Variants in MYOM3 observed in about 807,000 individuals in gnomAD.
MYOM3 encodes the protein myomesin-3.
In MYOM3, 155 loss-of-function variants were observed where a neutral mutation model predicts 191.7. That is an observed-to-expected ratio of 0.81 (90% CI 0.71 to 0.92). The LOEUF (loss-of-function observed/expected upper bound fraction) is 0.92, where lower values mean the gene tolerates loss of function less well. Among genes scored for constraint, MYOM3 ranks in the 40% least tolerant of loss-of-function variants. MYOM3 has a pLI of 0.00. For synonymous variants in MYOM3, 757 were observed against 762.9 expected (o/e 0.99, Z 0.13); for missense variants, 1,889 against 1,890.6 (o/e 1.00, Z 0.02).
chr1:24,063,597 A>G lies in MYOM3; in HGVS notation c.3623-67T>C. 1 of 1,586,092 alleles carries G rather than the reference A, an allele frequency of 6.3e-7. No individual in the cohort carries two copies. The highest frequency in any genetic ancestry group is 8.7e-7 in the Non-Finnish European group (1 of 1,155,992). On this transcript the variant is annotated intron_variant, in intron 30 of 36. Coordinates refer to ENST00000374434, the MANE Select transcript of MYOM3 (RefSeq NM_152372.4). This position sits in a 1 kb window ranked among gnomAD's most constrained non-coding sequence, Gnocchi z 4.5. ...CCCTAGGGATGTGCTAGGAGTGGGG[A>G]CATCCTAGAAAAAGGCTGGTGGAGC...
chr1:24,111,384 G>A lies in MYOM3; in HGVS notation c.-19+647C>T, dbSNP rs541055380. Among the ~76,000 whole-genome samples the A allele has an allele frequency of 2.4e-4, 37 of 152,336 alleles. No homozygotes were observed. The highest frequency in any genetic ancestry group is 8.7e-4 in the African/African-American group (36 of 41,570). ...CCCCTCCAGGAGCTGCGATGGGGGC[G>A]GATGGTGGCTGGGAGCAGAGACACA... is the stretch of plus-strand genomic sequence containing the variant. On this transcript the variant is annotated intron_variant, in intron 1 of 36. Transcript: ENST00000374434. The surrounding 1 kb of genome is among the most constrained non-coding windows in gnomAD (Gnocchi z 4.7).
At position 24,067,962 on chromosome 1, in the gene MYOM3, G is replaced by A. The variant is rs199611712; in HGVS notation, c.3355+8C>T. On this transcript the variant is annotated splice_region_variant and intron_variant, in intron 27 of 36. Coordinates refer to ENST00000374434, the MANE Select transcript of MYOM3 (RefSeq NM_152372.4). ...AGGGATTTTGAACTTCACCCCAGCA[G>A]CTCTTACCCTGTTTTCTCTTCCAGT... The A allele has an allele frequency of 2.9e-4, 469 of 1,613,894 alleles. 1 individual carries two copies. The highest frequency in any genetic ancestry group is 9.9e-4 in the Middle Eastern group (6 of 6,062).
At chr1:24,090,204 T>C in intron 12 of MYOM3, 86 bp from the exon 13 acceptor site, 1 of 1,110,364 alleles carries the variant, frequency 9.0e-7, no homozygotes, top group Non-Finnish European at 1.4e-6. Flanking sequence ...GTCTGCGTCC[T>C]GCCCCGTCCC....
At position 24,090,124 on chromosome 1, in the gene MYOM3, A is replaced by G; in HGVS notation, c.1433-6T>C. The stretch of plus-strand genomic sequence containing the variant: ...TCCCAGATCAAAGGGGATCTCTAGG[A>G]TGAGAAGGGAGCATGGGAGGGTGGG... On this transcript the variant is annotated splice_region_variant and splice_polypyrimidine_tract_variant and intron_variant, in intron 12 of 36. Coordinates refer to ENST00000374434, the MANE Select transcript of MYOM3 (RefSeq NM_152372.4). 1 of 1,569,724 alleles carries G rather than the reference A, an allele frequency of 6.4e-7. No individual in the cohort carries two copies. The highest frequency in any genetic ancestry group is 8.8e-7 in the Non-Finnish European group (1 of 1,139,506).
chr1:24,069,566 T>C (rs967097878), intron 25 of MYOM3, among the ~76,000 whole-genome samples: 1 of 151,960 alleles, frequency 6.6e-6, no homozygotes, highest in Non-Finnish European at 1.5e-5. Context: ...CTTTGATATA[T>C]ATATAACACA....
At position 24,063,574 on chromosome 1, in the gene MYOM3, C is replaced by T; in HGVS notation, c.3623-44G>A. 1 of 1,612,212 alleles carries T rather than the reference C, an allele frequency of 6.2e-7. No homozygotes were observed. The highest frequency in any genetic ancestry group is 8.5e-7 in the Non-Finnish European group (1 of 1,178,492). ...AAGGGTTAGCTGGCATAGGGCTCCC[C>T]TAGGGATGTGCTAGGAGTGGGGACA... is the stretch of plus-strand genomic sequence containing the variant. On this transcript the variant is annotated intron_variant, in intron 30 of 36. Coordinates refer to ENST00000374434, the MANE Select transcript of MYOM3 (RefSeq NM_152372.4). This position sits in a 1 kb window ranked among gnomAD's most constrained non-coding sequence, Gnocchi z 4.5.
intron 10 of MYOM3, 148 bp downstream of exon 10, chr1:24,092,799 G>C (rs1456241280): frequency 5.0e-6 from 4 of 796,146 alleles, no homozygotes; most frequent in Non-Finnish European, 7.4e-6. Context: ...GGGAGTCTTG[G>C]AGACCCCAAC....
chr1:24,091,851 G>T (rs1458197297), intron 11 of MYOM3, among the ~76,000 whole-genome samples: 1 of 152,188 alleles, frequency 6.6e-6, no homozygotes, highest in Non-Finnish European at 1.5e-5. Flanking sequence ...CTGTCATTAG[G>T]AAGGAAACTA....
At chr1:24,090,748 G>T (rs1306218428) in intron 12 of MYOM3, 49 bp downstream of exon 12, 2 of 1,586,786 alleles carry the variant, frequency 1.3e-6, no homozygotes, top group Non-Finnish European at 1.7e-6. Context: ...CAGTCCTGAG[G>T]GTTCCCTGAC....
intron 35 of MYOM3, among the ~76,000 whole-genome samples, chr1:24,060,313 A>G (rs1306991842): frequency 6.6e-6 from 1 of 152,164 alleles, no homozygotes; most frequent in Non-Finnish European, 1.5e-5. Context: ...AATAACAGCT[A>G]TGAGCCTGAG....
At position 24,063,542 on chromosome 1, in the gene MYOM3, CAGAG is replaced by C. The variant is rs746109022; in HGVS notation, c.3623-16_3623-13del. ...GATGGCATCCAGGGCTGGCGGGAAA[CAGAG>C]AGAAGGGTTAGCTGGCATAGGGCTC... On this transcript the variant is annotated splice_polypyrimidine_tract_variant and intron_variant, in intron 30 of 36. Transcript: ENST00000374434. This position sits in a 1 kb window ranked among gnomAD's most constrained non-coding sequence, Gnocchi z 4.5. 1.2e-6 allele frequency: 2 copies of C among 1,614,110 alleles called. No homozygotes were observed. The highest frequency in any genetic ancestry group is 1.7e-6 in the Non-Finnish European group (2 of 1,179,996).
intron 18 of MYOM3, chr1:24,081,662 A>G (rs1236469515): frequency 1.6e-6 from 1 of 623,740 alleles, no homozygotes; most frequent in South Asian, 2.1e-5. Context: ...TTCTGGGCTC[A>G]TGCAGTCCTC....
chr1:24,074,397 G>T, intron 22 of MYOM3, 128 bp from the exon 23 acceptor site: 1 of 648,284 alleles, frequency 1.5e-6, no homozygotes, highest in Non-Finnish European at 2.7e-6. Flanking sequence ...GGCCAAGTCA[G>T]GAAGCACAGG....
In MYOM3 at chr1:24,082,573, G is replaced by A; in HGVS notation, c.2092+20C>T. 1 of 1,567,974 alleles carries A rather than the reference G, an allele frequency of 6.4e-7. No individual in the cohort carries two copies. The highest frequency in any genetic ancestry group is 8.6e-7 in the Non-Finnish European group (1 of 1,159,124). ...CCCAGCCCAGGGAGGTTTGCAGGCT[G>A]GACCTGCCCTTGGACTCACCCAGAG... On this transcript the variant is annotated intron_variant, in intron 17 of 36. Transcript: ENST00000374434.
At chr1:24,102,363 T>A (rs954091914) in intron 5 of MYOM3, among the ~76,000 whole-genome samples, 2 of 151,974 alleles carry the variant, frequency 1.3e-5, no homozygotes, top group African/African-American at 2.4e-5. Context: ...TCGGGAAGAT[T>A]CCAGACACCT....
At chr1:24,074,727 G>A (rs1643575323) in intron 22 of MYOM3, among the ~76,000 whole-genome samples, 2 of 152,226 alleles carry the variant, frequency 1.3e-5, no homozygotes, top group Admixed American at 1.3e-4. Context: ...CTCTTTGAAG[G>A]TCTCCTTGAA....
In MYOM3 at chr1:24,107,992, C is replaced by T. The variant is rs767337585; in HGVS notation, c.242+1G>A. 1.2e-6 allele frequency: 2 copies of T among 1,613,218 alleles called. No homozygotes were observed. Among genetic ancestry groups the T allele is most frequent in the South Asian group, 2.2e-5 (2 of 90,998 alleles). On this transcript the variant is annotated splice_donor_variant, in intron 3 of 36. Transcript: ENST00000374434. LOFTEE classifies it high-confidence loss of function. ...CTCCCTGGGAAGCTTCTCTGACTCA[C>T]CAAGACAGCTCGGAGGAGGCCGTCA...
At chr1:24,110,277 C>T (rs966915227) in intron 1 of MYOM3, among the ~76,000 whole-genome samples, 8 of 152,152 alleles carry the variant, frequency 5.3e-5, no homozygotes, top group East Asian at 1.9e-4. Context: ...CTCCTGTCAG[C>T]TTCTGTGGGG....
At chr1:24,093,584 G>C (rs1322589329) in intron 9 of MYOM3, among the ~76,000 whole-genome samples, 2 of 151,996 alleles carry the variant, frequency 1.3e-5, no homozygotes, top group African/African-American at 4.8e-5. Context: ...AAGGGAGTGA[G>C]GGCTCTCGGG....
Sources: allele counts gnomAD v4.1 joint callset (sites outside exome capture counted in the v4.1 genomes callset), GRCh38; gene constraint gnomAD v4.1.1; non-coding constraint Gnocchi (gnomAD v3.1); transcripts MANE v1.5; gene names NCBI Gene and HGNC (gene_info 2026-07-23, HGNC 2026-07-21).